GPC6: variants seen among roughly 807,000 people sequenced by gnomAD.
GPC6 encodes glypican 6, also known as glypican-6.
In GPC6, 14 loss-of-function variants were observed where a neutral mutation model predicts 55.2. The ratio of observed to expected loss-of-function variants is 0.25; its 90% confidence interval spans 0.17 to 0.40. GPC6 has a LOEUF of 0.40. GPC6 is among the 10% of genes least tolerant of loss of function. The pLI is 1.00. For synonymous variants in GPC6, 278 were observed against 259.6 expected, an observed-to-expected ratio of 1.07 and a Z score of -0.68; for missense variants, 641 against 708.5, an observed-to-expected ratio of 0.90 and a Z score of 1.08.
intron 1 of GPC6, among the ~76,000 whole-genome samples, chr13:93,468,213 T>C (rs1878984667): frequency 6.6e-6 from 1 of 152,126 alleles, no homozygotes; most frequent in Admixed American, 6.5e-5. Flanking sequence ...ATATCTTCAA[T>C]TACTGGTCTT....
intron 7 of GPC6, among the ~76,000 whole-genome samples, chr13:94,392,392 A>T (rs2139219969): frequency 6.8e-6 from 1 of 147,780 alleles, no homozygotes; most frequent in East Asian, 2.0e-4. Context: ...CAATTGCTGG[A>T]TCATATGGTA....
intron 1 of GPC6, among the ~76,000 whole-genome samples, chr13:93,279,627 T>C (rs1877877363): frequency 1.3e-5 from 2 of 152,198 alleles, no homozygotes; most frequent in African/African-American, 2.4e-5. Context: ...AGTATCAAGA[T>C]ATTAGTGCCA....
intron 6 of GPC6, among the ~76,000 whole-genome samples, chr13:94,309,459 T>A (rs984517106): frequency 2.0e-5 from 3 of 152,154 alleles, no homozygotes; most frequent in African/African-American, 7.2e-5. Context: ...TTATATAAAA[T>A]AATTGAAAAC....
At chr13:93,870,891 A>G (rs959355349) in intron 3 of GPC6, among the ~76,000 whole-genome samples, 1 of 151,924 alleles carries the variant, frequency 6.6e-6, no homozygotes, top group East Asian at 1.9e-4. Context: ...AATTGCTGGG[A>G]TTACAGATGT....
chr13:93,849,606 A>G (rs1888324862), intron 3 of GPC6, among the ~76,000 whole-genome samples: 1 of 152,106 alleles, frequency 6.6e-6, no homozygotes, highest in African/African-American at 2.4e-5. Flanking sequence ...CCACCTATAC[A>G]TAGATAAAGA....
chr13:93,279,181 A>T (rs2139064826), intron 1 of GPC6, among the ~76,000 whole-genome samples: 1 of 152,328 alleles, frequency 6.6e-6, no homozygotes, highest in Admixed American at 6.5e-5. Context: ...ATCACCTGGA[A>T]GCTTCTGACA....
intron 1 of GPC6, among the ~76,000 whole-genome samples, chr13:93,415,578 T>C (rs978827911): frequency 6.6e-6 from 1 of 152,144 alleles, no homozygotes; most frequent in Admixed American, 6.6e-5. Context: ...GTATGAATAT[T>C]TTTCAGGTGT....
At chr13:93,322,606 T>A (rs764757609) in intron 1 of GPC6, among the ~76,000 whole-genome samples, 7 of 151,122 alleles carry the variant, frequency 4.6e-5, no homozygotes, top group Non-Finnish European at 1.0e-4. Flanking sequence ...CCAGCTAATT[T>A]TTTTTGTATT....
At chr13:93,675,173 A>G (rs1043531492) in intron 2 of GPC6, among the ~76,000 whole-genome samples, 6 of 152,176 alleles carry the variant, frequency 3.9e-5, no homozygotes, top group East Asian at 1.9e-4. Flanking sequence ...CTTATGCAAT[A>G]TCTGCTTAAA....
At chr13:93,944,451 G>A (rs191895531) in intron 3 of GPC6, among the ~76,000 whole-genome samples, 10 of 152,106 alleles carry the variant, frequency 6.6e-5, no homozygotes, top group South Asian at 2.1e-4. Flanking sequence ...TGATCCGCCC[G>A]CCTCGGCCTC....
chr13:94,231,819 T>C (rs960713909), intron 4 of GPC6, among the ~76,000 whole-genome samples: 1 of 151,872 alleles, frequency 6.6e-6, no homozygotes, highest in African/African-American at 2.4e-5. Context: ...ACCTGGCTAT[T>C]AAAATGAAAA....
At chr13:93,422,418 T>G (rs1876955956) in intron 1 of GPC6, among the ~76,000 whole-genome samples, 4 of 152,186 alleles carry the variant, frequency 2.6e-5, no homozygotes. Context: ...ATAATTACTT[T>G]TCGGATAGTT....
chr13:94,258,554 G>A, intron 4 of GPC6, among the ~76,000 whole-genome samples: 1 of 152,112 alleles, frequency 6.6e-6, no homozygotes, highest in South Asian at 2.1e-4. Context: ...TCCCACAAAG[G>A]TTTTCAGCAT....
intron 3 of GPC6, among the ~76,000 whole-genome samples, chr13:93,856,217 G>C (rs1361564540): frequency 6.6e-6 from 1 of 151,530 alleles, no homozygotes; most frequent in Non-Finnish European, 1.5e-5. Context: ...AATCTTATTT[G>C]GGTGAAAATT....
At chr13:94,285,575 T>C (rs1235350201) in intron 4 of GPC6, among the ~76,000 whole-genome samples, 1 of 152,218 alleles carries the variant, frequency 6.6e-6, no homozygotes, top group Non-Finnish European at 1.5e-5. Context: ...ACTGTGACTC[T>C]ATGTTAAGTC....
At chr13:93,537,234 G>T (rs1253819470) in intron 1 of GPC6, among the ~76,000 whole-genome samples, 1 of 152,140 alleles carries the variant, frequency 6.6e-6, no homozygotes, top group Non-Finnish European at 1.5e-5. Context: ...TTAATTACTT[G>T]ATCTTGCTAA....
intron 2 of GPC6, among the ~76,000 whole-genome samples, chr13:93,771,197 T>C (rs992619335): frequency 1.3e-5 from 2 of 152,174 alleles, no homozygotes; most frequent in African/African-American, 4.8e-5. Context: ...TTAAGTTGCA[T>C]ACAAGGTCAC....
chr13:93,931,624 C>T (rs1463598189), intron 3 of GPC6, among the ~76,000 whole-genome samples: 4 of 151,728 alleles, frequency 2.6e-5, no homozygotes, highest in South Asian at 2.1e-4. Context: ...CTTAGCTGGA[C>T]GTGGTGGCGG....
intron 1 of GPC6, among the ~76,000 whole-genome samples, chr13:93,531,679 C>T (rs914837556): frequency 3.3e-5 from 5 of 152,116 alleles, no homozygotes; most frequent in African/African-American, 9.7e-5. Context: ...TCTGTGGCAT[C>T]CTAAACCAGA....
Sources: allele counts gnomAD v4.1 joint callset (sites outside exome capture counted in the v4.1 genomes callset), GRCh38; gene constraint gnomAD v4.1.1; transcripts MANE v1.5; gene names NCBI Gene and HGNC (gene_info 2026-07-23, HGNC 2026-07-21).